The following DPYD variants were observed in gnomAD, a reference collection of about 807,000 sequenced individuals.
DPYD encodes the protein dihydropyrimidine dehydrogenase, also known as dihydropyrimidine dehydrogenase [NADP(+)].
In DPYD, 109 loss-of-function variants were observed where a neutral mutation model predicts 116.2. That is an observed-to-expected ratio of 0.94 (90% confidence interval 0.80 to 1.10). The LOEUF is 1.10. Ranked by LOEUF, DPYD falls within the 50% of genes least tolerant of loss-of-function variation. The probability of loss-of-function intolerance (pLI) is 0.00; values close to 1 mark genes in which losing one functional copy is unlikely to be tolerated. For synonymous variants in DPYD, 440 were observed against 432.0 expected, an observed-to-expected ratio of 1.02 and a Z score of -0.23; for missense variants, 1,302 against 1,254.5, an observed-to-expected ratio of 1.04 and a Z score of -0.57.
At chr1:97,850,643 T>C (rs1345536345) in intron 2 of DPYD, among the ~76,000 whole-genome samples, 1 of 151,962 alleles carries the variant, frequency 6.6e-6, no homozygotes, top group African/African-American at 2.4e-5. Flanking sequence ...ATATAAAGGG[T>C]GCTGTGCAAT....
At chr1:97,303,202 A>G (rs1266988210) in intron 18 of DPYD, among the ~76,000 whole-genome samples, 1 of 152,008 alleles carries the variant, frequency 6.6e-6, no homozygotes, top group Non-Finnish European at 1.5e-5. Context: ...CTTCACTGGC[A>G]ATGAAAAGTA....
intron 18 of DPYD, among the ~76,000 whole-genome samples, chr1:97,258,369 G>A (rs577922845): frequency 2.0e-5 from 3 of 152,164 alleles, no homozygotes; most frequent in Non-Finnish European, 2.9e-5. Flanking sequence ...AAAAGTACAG[G>A]CAAGTGAATA....
intron 3 of DPYD, among the ~76,000 whole-genome samples, chr1:97,790,687 ATC>A (rs1310579938): frequency 6.6e-5 from 10 of 152,160 alleles, no homozygotes; most frequent in Non-Finnish European, 1.5e-4. Context: ...CTCTCTTCAC[ATC>A]TCTTTTTCAC....
At chr1:97,080,858 C>T (rs1050256223) in intron 22 of DPYD, among the ~76,000 whole-genome samples, 1 of 151,984 alleles carries the variant, frequency 6.6e-6, no homozygotes, top group Non-Finnish European at 1.5e-5. Flanking sequence ...GATTTTCTTT[C>T]TCATTACTAA....
intron 8 of DPYD, among the ~76,000 whole-genome samples, chr1:97,647,443 T>C (rs1305610451): frequency 6.6e-6 from 1 of 151,892 alleles, no homozygotes; most frequent in Non-Finnish European, 1.5e-5. Flanking sequence ...ATAAGAACAA[T>C]AACAGAACCA....
intron 11 of DPYD, among the ~76,000 whole-genome samples, chr1:97,572,557 A>C (rs1652972766): frequency 6.6e-6 from 1 of 151,984 alleles, no homozygotes; most frequent in Non-Finnish European, 1.5e-5. Context: ...GGTGATGTAC[A>C]TAGTATTTAA....
At chr1:97,310,893 T>C (rs1403675072) in intron 16 of DPYD, among the ~76,000 whole-genome samples, 1 of 151,730 alleles carries the variant, frequency 6.6e-6, no homozygotes, top group Non-Finnish European at 1.5e-5. Context: ...TTGCTGCATA[T>C]CCACGCAATG....
intron 16 of DPYD, among the ~76,000 whole-genome samples, chr1:97,356,781 T>C (rs1670449312): frequency 6.6e-6 from 1 of 152,216 alleles, no homozygotes; most frequent in Non-Finnish European, 1.5e-5. Context: ...AAGATGTCCT[T>C]TTTCCAATGG....
intron 3 of DPYD, among the ~76,000 whole-genome samples, chr1:97,757,957 C>A (rs1401887525): frequency 1.3e-5 from 2 of 152,136 alleles, no homozygotes; most frequent in Non-Finnish European, 2.9e-5. Flanking sequence ...TTTGTCTGCA[C>A]TACTGAATTC....
intron 19 of DPYD, among the ~76,000 whole-genome samples, chr1:97,232,740 GT>G (rs2100740434): frequency 6.6e-6 from 1 of 152,138 alleles, no homozygotes; most frequent in South Asian, 2.1e-4. Context: ...GCATTTTTAA[GT>G]CCAAAATTTT....
chr1:97,405,777 A>T (rs900511499), intron 14 of DPYD, among the ~76,000 whole-genome samples: 2 of 152,120 alleles, frequency 1.3e-5, no homozygotes, highest in Non-Finnish European at 2.9e-5. Flanking sequence ...TTGGCCTCCC[A>T]AAGCTTTGGG....
At chr1:97,560,557 G>T (rs1329387104) in intron 11 of DPYD, among the ~76,000 whole-genome samples, 2 of 118,576 alleles carry the variant, frequency 1.7e-5, no homozygotes, top group East Asian at 4.5e-4. Flanking sequence ...CATTCAATTA[G>T]CAAAAAAAAA....
chr1:97,470,990 C>CA (rs923324850), intron 13 of DPYD, among the ~76,000 whole-genome samples: 247 of 140,292 alleles, frequency 1.8e-3, no homozygotes, highest in African/African-American at 3.8e-3. Flanking sequence ...GACTTCATCT[C>CA]AAAAAAAAAA....
At chr1:97,464,393 T>A (rs1373516769) in intron 13 of DPYD, among the ~76,000 whole-genome samples, 1 of 152,150 alleles carries the variant, frequency 6.6e-6, no homozygotes, top group Non-Finnish European at 1.5e-5. Context: ...AGGAGCCAAA[T>A]GCTAATCCCA....
At chr1:97,915,088 T>C (rs540982182) in intron 1 of DPYD, among the ~76,000 whole-genome samples, 2 of 152,274 alleles carry the variant, frequency 1.3e-5, no homozygotes, top group East Asian at 3.9e-4. Context: ...CTGAAGCATT[T>C]TGTGTATGTG....
At chr1:97,752,290 T>TCACACACA (rs146577982) in intron 3 of DPYD, among the ~76,000 whole-genome samples, 2 of 145,858 alleles carry the variant, frequency 1.4e-5, no homozygotes, top group African/African-American at 2.5e-5. Flanking sequence ...TAAACCTACT[T>TCACACACA]CACACACACA....
rs867770177 is a variant in DPYD, at chr1:97,569,000, G to T, written c.1339+4760C>A. 1.7e-3 allele frequency among the ~76,000 whole-genome samples: 252 copies of T among 152,152 alleles called. 3 individuals are homozygous for T. In the Middle Eastern group the frequency reaches 0.024, roughly 14 times the overall value. Reference sequence around the variant, plus strand: ...AATGAAAGAGTGGTTGTGGTACAGGGTATGGAGGAGGCACAGAATCACAGA... The same window carrying T: ...AATGAAAGAGTGGTTGTGGTACAGGTTATGGAGGAGGCACAGAATCACAGA... On this transcript the variant is annotated intron_variant, in intron 11 of 22. Coordinates refer to ENST00000370192, the MANE Select transcript of DPYD (RefSeq NM_000110.4).
rs952616111 is a variant in DPYD, at chr1:97,595,074, T to C, written c.943A>G (p.Lys315Glu). 1 of 1,613,430 alleles carries C rather than the reference T, an allele frequency of 6.2e-7. No homozygotes were observed. The highest frequency in any genetic ancestry group is 2.2e-5 in the East Asian group (1 of 44,828). Residue 315 changes from lysine to glutamate, a missense_variant, in exon 9 of 23, where the codon AAA (lysine) becomes GAA (glutamate). Transcript: ENST00000370192. ...TATGTTATACCTGCTTTACTGCCTT[T>C]GGCTACAAGTGGCAAAAAGTCTTTG... ...TSKDFLPLVA[K>E]GSKAGMCACH...
chr1:97,544,673 A>AT, intron 12 of DPYD, among the ~76,000 whole-genome samples: 1 of 102,402 alleles, frequency 9.8e-6, no homozygotes, highest in South Asian at 3.1e-4. Context: ...TGAAATGAAC[A>AT]GAAAAAAAAA....
Sources: allele counts gnomAD v4.1 joint callset (sites outside exome capture counted in the v4.1 genomes callset), GRCh38; gene constraint gnomAD v4.1.1; transcripts MANE v1.5; gene names NCBI Gene and HGNC (gene_info 2026-07-23, HGNC 2026-07-21).